PRH1: variants seen among roughly 807,000 people sequenced by gnomAD.
The protein encoded by PRH1 is proline rich protein HaeIII subfamily 1, also known as salivary acidic proline-rich phosphoprotein 1/2.
In PRH1, 7 loss-of-function variants were observed where a neutral mutation model predicts 7.9. The ratio of observed to expected loss-of-function variants is 0.89; its 90% CI spans 0.50 to 1.67. The LOEUF is 1.67. PRH1 is among the 40% of genes most tolerant of loss of function. The pLI, the probability that PRH1 is intolerant of heterozygous loss-of-function variation, is 0.00. For synonymous variants in PRH1, 45 were observed against 80.8 expected, an observed-to-expected ratio of 0.56 and a Z score of 2.38; for missense variants, 109 against 223.6, an observed-to-expected ratio of 0.49 and a Z score of 3.27.
chr12:11,118,734 C>A (rs1482269525), downstream of PRH1, among the ~76,000 whole-genome samples: 1 of 152,082 alleles, frequency 6.6e-6, no homozygotes, highest in Non-Finnish European at 1.5e-5. Context: ...GTGGCTGACA[C>A]CGGTAATCCC....
At chr12:10,938,225 T>G (rs756562757) in intron 2 of PRH1, 4 of 1,425,982 alleles carry the variant, frequency 2.8e-6, no homozygotes, top group Non-Finnish European at 3.8e-6. Flanking sequence ...TACAAGAATT[T>G]CTTAGGAGCT....
intron 2 of PRH1, among the ~76,000 whole-genome samples, chr12:10,907,675 GCA>G (rs1159827217): frequency 6.6e-6 from 1 of 151,236 alleles, no homozygotes; most frequent in African/African-American, 2.4e-5. Flanking sequence ...ACTGCAAAGG[GCA>G]CTGACATTGT....
chr12:10,927,699 C>T (rs1213259378), intron 2 of PRH1, among the ~76,000 whole-genome samples: 2 of 152,226 alleles, frequency 1.3e-5, no homozygotes, highest in Admixed American at 1.3e-4. Context: ...CACCCATGCA[C>T]ATCTGTCTAG....
upstream of PRH1, among the ~76,000 whole-genome samples, chr12:11,047,515 C>CAAA (rs35592412): frequency 3.1e-4 from 26 of 84,820 alleles, no homozygotes; most frequent in African/African-American, 8.8e-4. Flanking sequence ...ATGTCAATTT[C>CAAA]AAAAAAAAAA....
At chr12:11,057,588 C>T (rs570527926) in intron 1 of PRH1, among the ~76,000 whole-genome samples, 21 of 152,218 alleles carry the variant, frequency 1.4e-4, no homozygotes, top group Non-Finnish European at 2.8e-4. Context: ...CGTGACAAAA[C>T]ACTTGCAAGT....
Position 11,062,633 on chromosome 12 carries a change from A to G in PRH1, n.124-15445T>C, listed in dbSNP as rs1366001155. Among the ~76,000 whole-genome samples the G allele has an allele frequency of 2.0e-5, 3 of 152,200 alleles. No individual in the cohort carries two copies. In the East Asian group the frequency reaches 5.8e-4, roughly 29 times the overall value. On this transcript the variant is annotated intron_variant and non_coding_transcript_variant, in intron 1 of 4. Transcript: ENST00000541977. ...TTTGCTAGTATGCAAACAAGGACAT[A>G]TTCACTTTCAGTGTTTGCAATTTTT...
chr12:11,081,397 T>A (rs1944496483), intron 1 of PRH1, among the ~76,000 whole-genome samples: 1 of 116,926 alleles, frequency 8.6e-6, no homozygotes, highest in Non-Finnish European at 2.0e-5. Flanking sequence ...TAACACCATG[T>A]TCTTTTTAAA....
intron 2 of PRH1, among the ~76,000 whole-genome samples, chr12:10,919,365 G>A (rs971883996): frequency 1.3e-5 from 2 of 152,086 alleles, no homozygotes; most frequent in African/African-American, 4.8e-5. Context: ...GAGAAGTGTT[G>A]GAGGACATGA....
intron 1 of PRH1, chr12:11,078,521 T>TA: frequency 6.5e-6 from 1 of 153,016 alleles, no homozygotes; most frequent in African/African-American, 2.4e-5. Context: ...TGCTGAATTT[T>TA]TTTATACTCA....
At chr12:11,054,826 G>A (rs561986786) in intron 1 of PRH1, among the ~76,000 whole-genome samples, 82 of 116,024 alleles carry the variant, frequency 7.1e-4, no homozygotes, top group Non-Finnish European at 1.2e-3. Context: ...TTTTTGAGAC[G>A]GAGTCTTGCT....
intron 1 of PRH1, among the ~76,000 whole-genome samples, chr12:11,112,987 A>G (rs2136307223): frequency 1.3e-5 from 2 of 152,334 alleles, no homozygotes; most frequent in East Asian, 3.9e-4. Flanking sequence ...ATTCACAAGC[A>G]TTCCTATACA....
At chr12:11,084,357 T>TA (rs1335586912) in intron 1 of PRH1, among the ~76,000 whole-genome samples, 1 of 150,944 alleles carries the variant, frequency 6.6e-6, no homozygotes, top group African/African-American at 2.4e-5. Context: ...AAGTATGCCA[T>TA]AATTTACTTA....
intron 1 of PRH1, among the ~76,000 whole-genome samples, chr12:11,104,997 T>C (rs1238810867): frequency 6.6e-6 from 1 of 151,818 alleles, no homozygotes; most frequent in Non-Finnish European, 1.5e-5. Flanking sequence ...ATATTATACA[T>C]ATTTATTTAT....
intron 1 of PRH1, among the ~76,000 whole-genome samples, chr12:11,053,765 A>G (rs1241086897): frequency 1.3e-5 from 2 of 152,228 alleles, no homozygotes; most frequent in Non-Finnish European, 2.9e-5. Flanking sequence ...TTTTCAAAGC[A>G]CTAGAGTTAA....
chr12:11,143,968 A>C (rs1946789900), intron 1 of PRH1, among the ~76,000 whole-genome samples: 1 of 152,204 alleles, frequency 6.6e-6, no homozygotes, highest in Non-Finnish European at 1.5e-5. Flanking sequence ...AGCCTTGGAC[A>C]CCAGTGCATG....
chr12:11,117,286 C>T (rs1945757518), downstream of PRH1, among the ~76,000 whole-genome samples: 1 of 151,670 alleles, frequency 6.6e-6, no homozygotes, highest in African/African-American at 2.4e-5. Flanking sequence ...AATTTGAAAA[C>T]AAAATCAAAA....
chr12:10,902,735 A>G (rs777975508), intron 2 of PRH1, among the ~76,000 whole-genome samples: 8 of 152,192 alleles, frequency 5.3e-5, no homozygotes, highest in Non-Finnish European at 1.2e-4. Context: ...TAAAGGAAAG[A>G]AAATTTTCCA....
chr12:10,989,157 G>T (rs190368983), intron 1 of PRH1, among the ~76,000 whole-genome samples: 11 of 152,224 alleles, frequency 7.2e-5, no homozygotes, highest in Admixed American at 6.5e-4. Context: ...TAAACTCTAT[G>T]ATACGGTTTT....
At chr12:11,116,952 A>G (rs1279954879), downstream of PRH1, among the ~76,000 whole-genome samples, 2 of 152,082 alleles carry the variant, frequency 1.3e-5, no homozygotes, top group Non-Finnish European at 2.9e-5. Context: ...AAAAAGACCC[A>G]CAACTAGTAT....
Sources: allele counts gnomAD v4.1 joint callset (sites outside exome capture counted in the v4.1 genomes callset), GRCh38; gene constraint gnomAD v4.1.1; transcripts MANE v1.5; gene names NCBI Gene and HGNC (gene_info 2026-07-23, HGNC 2026-07-21).